C8orf34: variants seen among roughly 807,000 people sequenced by gnomAD.
The protein encoded by C8orf34 is chromosome 8 open reading frame 34.
C8orf34 carries 65 observed loss-of-function variants against 68.3 expected under a neutral mutation model. The observed-to-expected ratio is 0.95, with a 90% CI of 0.78 to 1.17. The LOEUF (loss-of-function observed/expected upper bound fraction) is 1.17. Ranked by LOEUF, C8orf34 falls within the 50% of genes most tolerant of loss-of-function variation. The pLI is 0.00. For missense variants in C8orf34, 664 were observed against 655.4 expected, an observed-to-expected ratio of 1.01 and a Z score of -0.14; for synonymous variants, 244 against 241.2, an observed-to-expected ratio of 1.01 and a Z score of -0.11.
intron 1 of C8orf34, among the ~76,000 whole-genome samples, chr8:68,430,205 T>C (rs928222751): frequency 6.6e-6 from 1 of 152,010 alleles, no homozygotes; most frequent in Non-Finnish European, 1.5e-5. Context: ...ACCTAAATGA[T>C]GGGATTCAGA....
intron 8 of C8orf34, among the ~76,000 whole-genome samples, chr8:68,654,943 G>A (rs1819470284): frequency 6.6e-6 from 1 of 152,114 alleles, no homozygotes; most frequent in Admixed American, 6.5e-5. Flanking sequence ...AGATAATGGG[G>A]AAATGCGTCA....
chr8:68,563,596 T>C (rs551472765), intron 7 of C8orf34, among the ~76,000 whole-genome samples: 63 of 152,118 alleles, frequency 4.1e-4, no homozygotes, highest in African/African-American at 1.4e-3. Context: ...AAAAGCCAGC[T>C]AGCAGATTTT....
intron 1 of C8orf34, among the ~76,000 whole-genome samples, chr8:68,352,277 A>C (rs542401198): frequency 2.5e-4 from 38 of 152,164 alleles, no homozygotes; most frequent in Admixed American, 4.6e-4. Context: ...TCACTGAAAA[A>C]AGTTACATTA....
chr8:68,600,907 TCTC>T (rs796739196), intron 7 of C8orf34, among the ~76,000 whole-genome samples: 6 of 152,162 alleles, frequency 3.9e-5, no homozygotes, highest in African/African-American at 1.4e-4. Context: ...ACCTGTGAAT[TCTC>T]CTCCTCGCAC....
At chr8:68,643,248 A>G (rs1316442649) in intron 8 of C8orf34, among the ~76,000 whole-genome samples, 1 of 152,204 alleles carries the variant, frequency 6.6e-6, no homozygotes, top group Non-Finnish European at 1.5e-5. Flanking sequence ...TTAATTCTCC[A>G]ACACCAATCC....
chr8:68,383,588 T>C (rs1180982753), intron 1 of C8orf34, among the ~76,000 whole-genome samples: 1 of 152,260 alleles, frequency 6.6e-6, no homozygotes, highest in African/African-American at 2.4e-5. Context: ...CATCTGCATC[T>C]ACAGTGTAAG....
intron 5 of C8orf34, among the ~76,000 whole-genome samples, chr8:68,493,854 G>C (rs967955028): frequency 6.6e-6 from 1 of 152,170 alleles, no homozygotes; most frequent in Non-Finnish European, 1.5e-5. Flanking sequence ...CTTACCTTCA[G>C]ATTCAGACAC....
Position 68,360,784 on chromosome 8 carries a change from G to C in C8orf34, c.327+29445G>C, listed in dbSNP as rs532303905. Among the ~76,000 whole-genome samples the C allele has an allele frequency of 9.4e-5, 12 of 127,378 alleles. No homozygotes were observed. The East Asian group carries it at 2.1e-3, about 23-fold the overall frequency. 83.6% of individuals were successfully genotyped at this position (127,378 alleles called of 152,430 possible). A position where few individuals can be genotyped will look rare whatever the true frequency, so the allele number is the denominator to read the frequency against. ...TTTTTTTTTTTTTTTCTTGAGCCTC[G>C]CTCTGTCACCCAGTCTGGAGTGCAG... On this transcript the variant is annotated intron_variant, in intron 1 of 13. Coordinates refer to ENST00000518698, the MANE Select transcript of C8orf34 (RefSeq NM_052958.4).
chr8:68,698,587 A>G (rs1253340712), intron 8 of C8orf34, among the ~76,000 whole-genome samples: 1 of 152,088 alleles, frequency 6.6e-6, no homozygotes, highest in Non-Finnish European at 1.5e-5. Context: ...TCAGCACCAT[A>G]AAGGGATCTA....
chr8:68,708,898 G>A, intron 8 of C8orf34, 96 bp from the exon 9 acceptor site: 1 of 827,264 alleles, frequency 1.2e-6, no homozygotes, highest in Non-Finnish European at 2.0e-6. Flanking sequence ...TGAGTTTAGA[G>A]TCTAGAAGTT....
intron 10 of C8orf34, among the ~76,000 whole-genome samples, chr8:68,771,510 G>C (rs1411015311): frequency 6.6e-6 from 1 of 152,042 alleles, no homozygotes; most frequent in East Asian, 1.9e-4. Flanking sequence ...GGTATAATTG[G>C]TGCTCTTCAT....
At chr8:68,663,056 C>T (rs1420092598) in intron 8 of C8orf34, among the ~76,000 whole-genome samples, 1 of 152,188 alleles carries the variant, frequency 6.6e-6, no homozygotes, top group Non-Finnish European at 1.5e-5. Flanking sequence ...GAGGGTCTCT[C>T]TCTTTTTCTT....
rs1037620361 is a variant in C8orf34, at chr8:68,331,427, C to A, written c.327+88C>A. 2.9e-6 allele frequency: 4 copies of A among 1,387,470 alleles called. No individual in the cohort carries two copies. In the African/African-American group the frequency reaches 4.3e-5, roughly 15 times the overall value. The allele number at this position is 1,387,470 out of a possible 1,614,324, so 85.9% of individuals were successfully genotyped here. ...CAGAACACTCCCAATCCCACCCCTC[C>A]CAGGGAAGGAGGGCTAGAGAACCAA... On this transcript the variant is annotated intron_variant, in intron 1 of 13. Coordinates refer to ENST00000518698, the MANE Select transcript of C8orf34 (RefSeq NM_052958.4).
At chr8:68,594,055 G>T (rs1817472753) in intron 7 of C8orf34, among the ~76,000 whole-genome samples, 1 of 151,868 alleles carries the variant, frequency 6.6e-6, no homozygotes, top group African/African-American at 2.4e-5. Context: ...TAATTTTTTA[G>T]TTATACTTTT....
At chr8:68,733,650 CTA>C (rs1822046203) in intron 10 of C8orf34, among the ~76,000 whole-genome samples, 1 of 152,084 alleles carries the variant, frequency 6.6e-6, no homozygotes, top group South Asian at 2.1e-4. Context: ...ATACAAAAAA[CTA>C]TTCATCAGCT....
At chr8:68,785,820 C>T (rs1823828521) in intron 11 of C8orf34, among the ~76,000 whole-genome samples, 2 of 152,156 alleles carry the variant, frequency 1.3e-5, no homozygotes, top group Admixed American at 1.3e-4. Context: ...ATATCCTGTG[C>T]ATCACACAAC....
rs376172777 is a variant in C8orf34 at position 68,499,717 on chromosome 8, TG to T, written c.765+11668del. Among the ~76,000 whole-genome samples, 418 of 152,304 alleles carry T rather than the reference TG, an allele frequency of 2.7e-3. 1 individual carries two copies. Among genetic ancestry groups the T allele is most frequent in the African/African-American group, 9.2e-3 (381 of 41,560 alleles). Reference sequence around the variant, plus strand: ...GGAGCAACTTTTCACTGGAGAAACCTGGAAGATACCACCTGAACCAGGTGAT... The same window carrying T: ...GGAGCAACTTTTCACTGGAGAAACCTGAAGATACCACCTGAACCAGGTGAT... On this transcript the variant is annotated intron_variant, in intron 5 of 13. Transcript: ENST00000518698.
intron 1 of C8orf34, among the ~76,000 whole-genome samples, chr8:68,365,046 A>C (rs1250395469): frequency 4.0e-5 from 6 of 151,204 alleles, no homozygotes; most frequent in African/African-American, 4.8e-5. Context: ...AGACACAATA[A>C]AAAATGATAA....
chr8:68,616,540 GT>G (rs1818220728), intron 7 of C8orf34, among the ~76,000 whole-genome samples: 1 of 152,110 alleles, frequency 6.6e-6, no homozygotes, highest in Non-Finnish European at 1.5e-5. Flanking sequence ...CCTTCATTTC[GT>G]TATGTACCTG....
Sources: allele counts gnomAD v4.1 joint callset (sites outside exome capture counted in the v4.1 genomes callset), GRCh38; gene constraint gnomAD v4.1.1; transcripts MANE v1.5; gene names NCBI Gene and HGNC (gene_info 2026-07-23, HGNC 2026-07-21).